Variants in CADPS2 observed in about 807,000 individuals in gnomAD.
CADPS2 encodes calcium-dependent secretion activator 2.
A neutral mutation model predicts 172.5 loss-of-function variants in CADPS2; 93 were observed. The observed-to-expected ratio is 0.54, with a 90% CI of 0.46 to 0.64. The LOEUF (loss-of-function observed/expected upper bound fraction) is 0.64. Ranked by LOEUF, CADPS2 falls within the 30% of genes least tolerant of loss-of-function variation. The probability of loss-of-function intolerance (pLI) is 0.00; values close to 1 mark genes in which losing one functional copy is unlikely to be tolerated. For missense variants in CADPS2, 1,420 were observed against 1,565.9 expected, an observed-to-expected ratio of 0.91 and a Z score of 1.57; for synonymous variants, 546 against 555.2, an observed-to-expected ratio of 0.98 and a Z score of 0.23.
At chr7:122,612,870 A>T (rs888682517) in intron 6 of CADPS2, among the ~76,000 whole-genome samples, 1 of 152,170 alleles carries the variant, frequency 6.6e-6, no homozygotes, top group African/African-American at 2.4e-5. Context: ...AACAGAATTG[A>T]GAGTCCAGAA....
At chr7:122,734,356 T>TTAAA in intron 2 of CADPS2, among the ~76,000 whole-genome samples, 1 of 46,294 alleles carries the variant, frequency 2.2e-5, no homozygotes, top group Non-Finnish European at 3.7e-5. Flanking sequence ...CCAGAAATAG[T>TTAAA]AAAAAAAAAA....
At chr7:122,639,976 C>T (rs2077439223) in intron 3 of CADPS2, among the ~76,000 whole-genome samples, 1 of 152,266 alleles carries the variant, frequency 6.6e-6, no homozygotes, top group Non-Finnish European at 1.5e-5. Flanking sequence ...TTCCCATTGC[C>T]TACTCGAGTT....
At chr7:122,801,170 T>C (rs1021487775) in intron 1 of CADPS2, among the ~76,000 whole-genome samples, 44 of 152,022 alleles carry the variant, frequency 2.9e-4, no homozygotes, top group African/African-American at 1.1e-3. Context: ...TATGTACATA[T>C]AGGGAGAGAT....
At chr7:122,702,224 A>G (rs2086244966) in intron 2 of CADPS2, 1 of 1,613,802 alleles carries the variant, frequency 6.2e-7, no homozygotes, top group Non-Finnish European at 8.5e-7. Flanking sequence ...CACTTCAATG[A>G]TGACTGTCAC....
chr7:122,576,536 A>G (rs2068059293), intron 7 of CADPS2, among the ~76,000 whole-genome samples: 1 of 152,160 alleles, frequency 6.6e-6, no homozygotes, highest in African/African-American at 2.4e-5. Context: ...GTTAGTGTGC[A>G]TACATTAATG....
chr7:122,738,325 A>G (rs192828046), intron 1 of CADPS2, among the ~76,000 whole-genome samples: 1 of 152,272 alleles, frequency 6.6e-6, no homozygotes, highest in Admixed American at 6.5e-5. Context: ...CTAGGCACTA[A>G]GCCCTGCACA....
intron 14 of CADPS2, among the ~76,000 whole-genome samples, chr7:122,465,376 T>C (rs1254499550): frequency 6.6e-6 from 1 of 152,136 alleles, no homozygotes; most frequent in Non-Finnish European, 1.5e-5. Flanking sequence ...CAAGCCCAGA[T>C]GGTTTAAAAC....
At chr7:122,616,988 T>C (rs1014460669) in intron 5 of CADPS2, among the ~76,000 whole-genome samples, 3 of 152,240 alleles carry the variant, frequency 2.0e-5, no homozygotes, top group Admixed American at 6.5e-5. Flanking sequence ...AACAACAGAA[T>C]TGTGTAGCAC....
chr7:122,340,855 T>TAA lies in CADPS2; in HGVS notation c.3612+4717_3612+4718dup, dbSNP rs5887084. ...CTGCTCACAATGATGCCTTATGTGT[T>TAA]AAAAAAAAAAAAAAAAAAGGACATT... On this transcript the variant is annotated intron_variant, in intron 28 of 29. Transcript: ENST00000449022. Among the ~76,000 whole-genome samples, 205 of 137,788 alleles carry TAA rather than the reference T, an allele frequency of 1.5e-3. 2 individuals are homozygous for TAA. The highest frequency in any genetic ancestry group is 6.3e-3 in the South Asian group (27 of 4,264). The allele number at this position is 137,788 out of a possible 152,430, so 90.4% of individuals were successfully genotyped here.
At position 122,884,718 on chromosome 7, in the gene CADPS2, A is replaced by G. The variant is rs563025397; in HGVS notation, c.339+1281T>C. ...TAAGAGGATAGATCTTAAGCATACA[A>G]TAGTGTTAACTATAGGTGTGTACTT... On this transcript the variant is annotated intron_variant, in intron 1 of 29. Coordinates refer to ENST00000449022, the MANE Select transcript of CADPS2 (RefSeq NM_017954.11). Among the ~76,000 whole-genome samples the G allele has an allele frequency of 1.7e-4, 26 of 152,354 alleles. No homozygotes were observed. In the South Asian group the frequency reaches 3.5e-3, roughly 21 times the overall value.
At chr7:122,862,429 C>CT (rs1455378664) in intron 1 of CADPS2, among the ~76,000 whole-genome samples, 4 of 152,174 alleles carry the variant, frequency 2.6e-5, no homozygotes, top group Non-Finnish European at 5.9e-5. Flanking sequence ...TATCCCTAGC[C>CT]TCCCTCCTTG....
At chr7:122,386,275 GA>G (rs753945544) in intron 24 of CADPS2, 151 of 1,363,626 alleles carry the variant, frequency 1.1e-4, no homozygotes, top group South Asian at 2.8e-4. Flanking sequence ...TGTGCTTTTA[GA>G]AAAAAAAATG....
intron 3 of CADPS2, among the ~76,000 whole-genome samples, chr7:122,658,306 T>C (rs1024725086): frequency 3.9e-5 from 6 of 152,194 alleles, no homozygotes; most frequent in African/African-American, 1.2e-4. Context: ...TGTAAACTAG[T>C]TCAACCACTG....
chr7:122,535,545 G>A (rs17144538), intron 8 of CADPS2, among the ~76,000 whole-genome samples: 16,191 of 151,930 alleles, frequency 0.11, 1,062 homozygotes, highest in African/African-American at 0.18. Context: ...TATAAAGTCT[G>A]TTAAAGAACC....
intron 1 of CADPS2, among the ~76,000 whole-genome samples, chr7:122,817,883 C>T (rs183942698): frequency 2.4e-4 from 36 of 151,334 alleles, no homozygotes; most frequent in Admixed American, 7.2e-4. Context: ...CTTATCTCTG[C>T]GCCCCAATCC....
intron 2 of CADPS2, among the ~76,000 whole-genome samples, chr7:122,717,891 C>A (rs369729215): frequency 4.5e-4 from 69 of 151,880 alleles, no homozygotes; most frequent in African/African-American, 1.6e-3. Context: ...GTCACTGCAG[C>A]CTTAACTAGC....
chr7:122,607,195 T>C (rs925371535), intron 6 of CADPS2, among the ~76,000 whole-genome samples: 4 of 152,138 alleles, frequency 2.6e-5, no homozygotes, highest in Non-Finnish European at 4.4e-5. Flanking sequence ...CTGAGTGATT[T>C]AGAAGGAAAG....
intron 7 of CADPS2, among the ~76,000 whole-genome samples, chr7:122,556,370 G>A (rs1006521541): frequency 8.5e-5 from 13 of 152,166 alleles, no homozygotes; most frequent in African/African-American, 3.1e-4. Flanking sequence ...AGTCTGGAAA[G>A]CTTTTTCTCT....
intron 14 of CADPS2, among the ~76,000 whole-genome samples, chr7:122,459,490 CATGAAATTATTAAT>C (rs2054192832): frequency 6.6e-6 from 1 of 152,064 alleles, no homozygotes; most frequent in African/African-American, 2.4e-5. Flanking sequence ...GCCTGCAGTG[CATGAAATTATTAAT>C]TTTCCTGCAA....
Sources: gnomAD v4.1 joint callset for allele counts (sites outside exome capture counted in the v4.1 genomes callset) on GRCh38, gnomAD v4.1.1 for gene constraint, MANE v1.5 for transcripts, NCBI Gene and HGNC (gene_info 2026-07-23, HGNC 2026-07-21) for gene names.